CDH10: variants seen among roughly 807,000 people sequenced by gnomAD.
CDH10 encodes cadherin 10.
Under a neutral mutation model 73.1 loss-of-function variants are expected in CDH10, and 30 were observed. The ratio of observed to expected loss-of-function variants is 0.41; its 90% CI spans 0.31 to 0.56. The LOEUF (loss-of-function observed/expected upper bound fraction) is 0.56, where lower values mean the gene tolerates loss of function less well. CDH10 is among the 20% of genes least tolerant of loss of function. The pLI is 0.27. For missense variants in CDH10, 815 were observed against 973.7 expected (o/e 0.84, Z 2.17); for synonymous variants, 345 against 348.2 (o/e 0.99, Z 0.10).
chr5:24,510,559 T>C (rs1196677352), intron 6 of CDH10, among the ~76,000 whole-genome samples: 1 of 152,202 alleles, frequency 6.6e-6, no homozygotes, highest in Non-Finnish European at 1.5e-5. Flanking sequence ...AGATTCTATT[T>C]GTATTACTGC....
chr5:24,620,294 A>G (rs1388904653), intron 1 of CDH10, among the ~76,000 whole-genome samples: 2 of 152,212 alleles, frequency 1.3e-5, no homozygotes, highest in African/African-American at 2.4e-5. Context: ...TGACAAAACA[A>G]TATACATTAA....
chr5:24,537,782 C>T lies in CDH10; in HGVS notation c.232-108G>A, dbSNP rs537546173. ...TCTCATCACTGAGCAACGGGGTCGGCTATCCTACTTCTTGAAATGAGAGCT... is the reference window on the plus strand; with the variant it reads ...TCTCATCACTGAGCAACGGGGTCGGTTATCCTACTTCTTGAAATGAGAGCT... On this transcript the variant is annotated intron_variant, in intron 2 of 11. Transcript: ENST00000264463. 1.3e-4 allele frequency: 84 copies of T among 647,162 alleles called. No homozygotes were observed. In the African/African-American group the frequency reaches 1.4e-3, roughly 11 times the overall value. The allele number at this position is 647,162 out of a possible 1,614,324, so 40.1% of individuals were successfully genotyped here. A position where few individuals can be genotyped will look rare whatever the true frequency, so the allele number is the denominator to read the frequency against.
chr5:24,595,633 C>G (rs1239440998), intron 1 of CDH10, among the ~76,000 whole-genome samples: 5 of 151,854 alleles, frequency 3.3e-5, no homozygotes, highest in African/African-American at 1.2e-4. Context: ...AGACAGTATT[C>G]TCCAGAAATG....
chr5:24,562,310 T>C (rs1311721085), intron 2 of CDH10, among the ~76,000 whole-genome samples: 1 of 152,078 alleles, frequency 6.6e-6, no homozygotes, highest in Non-Finnish European at 1.5e-5. Context: ...AGAAGTATTA[T>C]CTCCCCCTCC....
intron 2 of CDH10, among the ~76,000 whole-genome samples, chr5:24,551,649 T>C (rs1744551191): frequency 6.6e-6 from 1 of 152,142 alleles, no homozygotes; most frequent in Non-Finnish European, 1.5e-5. Context: ...TGTGTGAACA[T>C]GTGTGTGGTG....
chr5:24,491,398 T>C (rs1742048058), intron 11 of CDH10, among the ~76,000 whole-genome samples, 178 bp downstream of exon 11: 1 of 152,216 alleles, frequency 6.6e-6, no homozygotes, highest in Non-Finnish European at 1.5e-5. Flanking sequence ...AAATTCTTTA[T>C]ATATTCGTAT....
intron 2 of CDH10, among the ~76,000 whole-genome samples, chr5:24,590,706 A>C (rs60332322): frequency 0.064 from 9,736 of 152,026 alleles, 495 homozygotes; most frequent in African/African-American, 0.13. Context: ...GGTATTTAAA[A>C]AATTTTTTCT....
chr5:24,520,770 A>G (rs1360636514), intron 5 of CDH10, among the ~76,000 whole-genome samples: 1 of 152,098 alleles, frequency 6.6e-6, no homozygotes, highest in East Asian at 1.9e-4. Context: ...TCTGTCATCC[A>G]GGCTGGAGTG....
chr5:24,556,526 T>TTATATGATTAGCTCTGCAAGCCTCC (rs1300971307), intron 2 of CDH10, among the ~76,000 whole-genome samples: 12 of 151,846 alleles, frequency 7.9e-5, no homozygotes, highest in South Asian at 2.1e-4. Flanking sequence ...ACCAGTTATT[T>TTATATGATTAGCTCTGCAAGCCTCC]TATATGATTA....
chr5:24,607,895 T>C (rs1356580229), intron 1 of CDH10, among the ~76,000 whole-genome samples: 1 of 152,200 alleles, frequency 6.6e-6, no homozygotes, highest in African/African-American at 2.4e-5. Flanking sequence ...ATTAACTAAG[T>C]ATTGCTATAT....
chr5:24,555,165 T>C (rs1744721809), intron 2 of CDH10, among the ~76,000 whole-genome samples: 1 of 152,178 alleles, frequency 6.6e-6, no homozygotes, highest in Non-Finnish European at 1.5e-5. Flanking sequence ...TATTTCTTGG[T>C]TCCCCAGAGA....
intron 2 of CDH10, among the ~76,000 whole-genome samples, chr5:24,569,856 G>T (rs2112018206): frequency 6.6e-6 from 1 of 151,932 alleles, no homozygotes; most frequent in East Asian, 1.9e-4. Context: ...TCTGCCTCCT[G>T]CGTTCAAGAA....
intron 3 of CDH10, among the ~76,000 whole-genome samples, chr5:24,536,243 C>T (rs1743950476): frequency 6.6e-6 from 1 of 151,966 alleles, no homozygotes; most frequent in South Asian, 2.1e-4. Context: ...CTCTAGAATA[C>T]AATTTTATGA....
chr5:24,526,855 C>T (rs182817513), intron 5 of CDH10, among the ~76,000 whole-genome samples: 1 of 151,844 alleles, frequency 6.6e-6, no homozygotes, highest in Non-Finnish European at 1.5e-5. Flanking sequence ...ATGATGCTAA[C>T]AACGTCTTAT....
intron 1 of CDH10, among the ~76,000 whole-genome samples, chr5:24,627,855 C>G (rs563434235): frequency 6.6e-6 from 1 of 152,076 alleles, no homozygotes; most frequent in Non-Finnish European, 1.5e-5. Flanking sequence ...ATGTACTGCA[C>G]AGCACACACG....
chr5:24,592,433 A>C (rs1356859640), intron 2 of CDH10, among the ~76,000 whole-genome samples: 1 of 150,986 alleles, frequency 6.6e-6, no homozygotes, highest in Non-Finnish European at 1.5e-5. Flanking sequence ...AATAATATTG[A>C]CTATTAAAAT....
chr5:24,492,138 A>C (rs1742076434), intron 10 of CDH10, among the ~76,000 whole-genome samples: 1 of 152,178 alleles, frequency 6.6e-6, no homozygotes, highest in Non-Finnish European at 1.5e-5. Context: ...TTCTCTTTTC[A>C]AAAAACCTAT....
chr5:24,504,692 A>AT (rs1742637651), intron 8 of CDH10, among the ~76,000 whole-genome samples: 1 of 151,356 alleles, frequency 6.6e-6, no homozygotes, highest in Admixed American at 6.6e-5. Context: ...TGCCCGGCTA[A>AT]TTTTTTGTAT....
chr5:24,638,629 A>C (rs191781799), intron 1 of CDH10, among the ~76,000 whole-genome samples: 27 of 151,992 alleles, frequency 1.8e-4, no homozygotes, highest in African/African-American at 5.8e-4. Context: ...GGCAGAATAA[A>C]TCTGCATGTT....
Sources: allele counts gnomAD v4.1 joint callset (sites outside exome capture counted in the v4.1 genomes callset), GRCh38; gene constraint gnomAD v4.1.1; transcripts MANE v1.5; gene names NCBI Gene and HGNC (gene_info 2026-07-23, HGNC 2026-07-21).